NID1: variants seen among roughly 807,000 people sequenced by gnomAD.
NID1 encodes nidogen-1.
Under a neutral mutation model 130.6 loss-of-function variants are expected in NID1, and 76 were observed. The observed-to-expected ratio is 0.58, with a 90% CI of 0.48 to 0.70. NID1 has a LOEUF of 0.70. Ranked by LOEUF, NID1 falls within the 30% of genes least tolerant of loss-of-function variation. The probability of loss-of-function intolerance (pLI) is 0.00; values close to 1 mark genes in which losing one functional copy is unlikely to be tolerated. For missense variants in NID1, 1,517 were observed against 1,664.8 expected (o/e 0.91, Z 1.54); for synonymous variants, 665 against 675.1 (o/e 0.98, Z 0.23).
chr1:236,012,659 T>C (rs1658466884), intron 11 of NID1, among the ~76,000 whole-genome samples: 1 of 152,082 alleles, frequency 6.6e-6, no homozygotes, highest in Admixed American at 6.5e-5. Flanking sequence ...TTCTCCCTCC[T>C]GTCATAAATG....
chr1:236,052,655 G>A (rs144458210), intron 1 of NID1, among the ~76,000 whole-genome samples: 310 of 152,296 alleles, frequency 2.0e-3, no homozygotes, highest in East Asian at 6.4e-3. Flanking sequence ...GGGTGTCCGT[G>A]TTCTCCCCAT....
intron 12 of NID1, among the ~76,000 whole-genome samples, chr1:236,008,132 T>G (rs892799785): frequency 6.6e-6 from 1 of 152,238 alleles, no homozygotes; most frequent in African/African-American, 2.4e-5. Context: ...TATATTCTCC[T>G]CACTCTGATA....
chr1:236,044,204 T>TG (rs888380778), intron 3 of NID1, among the ~76,000 whole-genome samples: 4 of 152,174 alleles, frequency 2.6e-5, no homozygotes, highest in African/African-American at 9.7e-5. Flanking sequence ...CAGTGGTGTG[T>TG]GGGAGCTTAT....
At chr1:236,028,623 A>C (rs6695504) in intron 7 of NID1, among the ~76,000 whole-genome samples, 2 of 152,176 alleles carry the variant, frequency 1.3e-5, no homozygotes, top group African/African-American at 4.8e-5. Context: ...TAGGAAAAAC[A>C]AATGAAGTGT....
At chr1:236,051,248 C>T (rs975313537) in intron 1 of NID1, among the ~76,000 whole-genome samples, 2 of 150,288 alleles carry the variant, frequency 1.3e-5, no homozygotes, top group African/African-American at 2.4e-5. Context: ...CACTTATTTC[C>T]CTCCCCCTCC....
chr1:236,028,687 C>CATATATATAT (rs59523526), intron 7 of NID1, among the ~76,000 whole-genome samples: 2 of 146,906 alleles, frequency 1.4e-5, no homozygotes, highest in Admixed American at 6.8e-5. Flanking sequence ...GGTCAGTATA[C>CATATATATAT]ATATATATAT....
intron 1 of NID1, among the ~76,000 whole-genome samples, chr1:236,054,646 G>T (rs1386872886): frequency 2.0e-5 from 3 of 151,682 alleles, no homozygotes; most frequent in Admixed American, 1.3e-4. Flanking sequence ...TTTTTTTAAA[G>T]AATTTTTTTT....
intron 1 of NID1, among the ~76,000 whole-genome samples, chr1:236,064,053 C>T (rs1660120282): frequency 6.6e-6 from 1 of 152,192 alleles, no homozygotes; most frequent in African/African-American, 2.4e-5. Flanking sequence ...CTTCCCCCGG[C>T]CAACCCCCCA....
At chr1:236,037,689 C>T (rs971564684) in intron 5 of NID1, among the ~76,000 whole-genome samples, 2 of 150,858 alleles carry the variant, frequency 1.3e-5, no homozygotes, top group African/African-American at 4.9e-5. Context: ...CTGTGAGCAA[C>T]ACAACATAAA....
intron 1 of NID1, among the ~76,000 whole-genome samples, chr1:236,055,441 T>C (rs1450711843): frequency 1.3e-5 from 2 of 152,142 alleles, no homozygotes; most frequent in Non-Finnish European, 2.9e-5. Context: ...TGGGAGTTCA[T>C]TATATTTTTG....
intron 13 of NID1, among the ~76,000 whole-genome samples, chr1:235,992,756 T>A (rs1336078960): frequency 6.6e-6 from 1 of 152,216 alleles, no homozygotes; most frequent in Non-Finnish European, 1.5e-5. Flanking sequence ...CGAGTGAAGT[T>A]TCTGAGTAAT....
At position 236,032,460 on chromosome 1, in the gene NID1, A is replaced by T; in HGVS notation, c.1478T>A (p.Ile493Asn). The change falls in exon 6 of 20, where the codon ATC (isoleucine) becomes AAC (asparagine). Residue 493 changes from isoleucine to asparagine, a missense_variant. This residue lies in a region of NID1 where 1,329 missense variants were observed against 1,429.2 expected (regional missense o/e 0.93). Transcript: ENST00000264187. ...SLLPLAPVGGIIGWMFAVEQD... is the reference protein window; with the variant it reads ...SLLPLAPVGGNIGWMFAVEQD... ...CTCCACTGCAAACATCCATCCAATG[A>T]TGCCTCCAACTGGGGCCAGTGGAAG... 6.2e-7 allele frequency: 1 copy of T among 1,614,086 alleles called. No individual in the cohort carries two copies. Among genetic ancestry groups the T allele is most frequent in the Non-Finnish European group, 8.5e-7 (1 of 1,180,014 alleles).
chr1:236,012,558 CAAAA>C (rs56183830), intron 11 of NID1, among the ~76,000 whole-genome samples: 5 of 98,086 alleles, frequency 5.1e-5, no homozygotes, highest in Non-Finnish European at 1.0e-4. Context: ...AATGCCATCT[CAAAA>C]AAAAAAAAAA....
At chr1:236,001,405 T>C (rs1572587500) in intron 12 of NID1, among the ~76,000 whole-genome samples, 1 of 152,142 alleles carries the variant, frequency 6.6e-6, no homozygotes, top group Admixed American at 6.5e-5. Flanking sequence ...ACGCCCAGCC[T>C]GGCTTTGAGA....
At chr1:236,045,256 A>G (rs1328678415) in intron 3 of NID1, among the ~76,000 whole-genome samples, 1 of 151,736 alleles carries the variant, frequency 6.6e-6, no homozygotes, top group Non-Finnish European at 1.5e-5. Context: ...TGAGGATGAT[A>G]TCTAAAAAAT....
At chr1:235,985,558 G>A in intron 14 of NID1, 53 bp from the exon 15 acceptor site, 11 of 1,600,862 alleles carry the variant, frequency 6.9e-6, no homozygotes, top group Non-Finnish European at 9.4e-6. Flanking sequence ...ATCTGATAGT[G>A]AGAATCTTTT....
intron 1 of NID1, among the ~76,000 whole-genome samples, chr1:236,055,093 A>G (rs1659859917): frequency 2.0e-5 from 3 of 152,216 alleles, no homozygotes; most frequent in Admixed American, 2.0e-4. Context: ...TCACGAGGTC[A>G]GGAGATCGAG....
chr1:235,981,310 T>C (rs537948731), intron 16 of NID1, among the ~76,000 whole-genome samples: 11 of 152,322 alleles, frequency 7.2e-5, no homozygotes, highest in African/African-American at 2.4e-4. Context: ...CTGGAGTTGA[T>C]ATAACCTGAG....
chr1:236,064,110 C>A lies in NID1; in HGVS notation c.225+745G>T, dbSNP rs75980082. Among the ~76,000 whole-genome samples, 413 of 152,306 alleles carry A rather than the reference C, an allele frequency of 2.7e-3. 2 individuals are homozygous for A. The highest frequency in any genetic ancestry group is 9.2e-3 in the African/African-American group (382 of 41,578). The stretch of plus-strand genomic sequence containing the variant: ...CCTTATATGAAATCCACATGGTGGG[C>A]GGCCGAGGAAGGCAGCGGCACGAAA... On this transcript the variant is annotated intron_variant, in intron 1 of 19. Transcript: ENST00000264187.
Sources: gnomAD v4.1 joint callset for allele counts (sites outside exome capture counted in the v4.1 genomes callset) on GRCh38, gnomAD v4.1.1 for gene constraint, gnomAD v4.1.1 regional missense constraint, MANE v1.5 for transcripts, NCBI Gene and HGNC (gene_info 2026-07-23, HGNC 2026-07-21) for gene names.